Variants in ESRRG observed in about 807,000 individuals in gnomAD.
The protein encoded by ESRRG is estrogen-related receptor gamma.
In ESRRG, 13 loss-of-function variants were observed where a neutral mutation model predicts 44.0. That is an observed-to-expected ratio of 0.30 (90% CI 0.19 to 0.47). The LOEUF (loss-of-function observed/expected upper bound fraction) is 0.47, where lower values mean the gene tolerates loss of function less well. Ranked by LOEUF, ESRRG falls within the 20% of genes least tolerant of loss-of-function variation. The pLI, the probability that ESRRG is intolerant of heterozygous loss-of-function variation, is 1.00. For missense variants in ESRRG, 395 were observed against 580.6 expected, an observed-to-expected ratio of 0.68 and a Z score of 3.29; for synonymous variants, 215 against 214.6, an observed-to-expected ratio of 1.00 and a Z score of -0.02.
chr1:216,797,773 C>T (rs1279879914), intron 2 of ESRRG, among the ~76,000 whole-genome samples: 1 of 152,082 alleles, frequency 6.6e-6, no homozygotes, highest in Non-Finnish European at 1.5e-5. Context: ...ACTGTTGATG[C>T]TGACCTTGAT....
chr1:216,824,282 A>G (rs1364428954), intron 2 of ESRRG, among the ~76,000 whole-genome samples: 2 of 152,080 alleles, frequency 1.3e-5, no homozygotes, highest in East Asian at 3.9e-4. Context: ...CCCCATCTCT[A>G]CTAAAATACA....
At chr1:216,806,843 A>C (rs540970519) in intron 2 of ESRRG, among the ~76,000 whole-genome samples, 30 of 152,130 alleles carry the variant, frequency 2.0e-4, no homozygotes, top group Non-Finnish European at 1.0e-4. Flanking sequence ...TTCAATCTTG[A>C]AATTTGGAGA....
chr1:216,687,061 G>C (rs1264832979), intron 1 of ESRRG, among the ~76,000 whole-genome samples: 1 of 149,462 alleles, frequency 6.7e-6, no homozygotes, highest in Non-Finnish European at 1.5e-5. Context: ...GTGTGTGTGT[G>C]TGTGTGAAGT....
At chr1:216,926,773 G>C (rs895948194) in intron 2 of ESRRG, among the ~76,000 whole-genome samples, 4 of 152,310 alleles carry the variant, frequency 2.6e-5, no homozygotes, top group African/African-American at 9.6e-5. Context: ...GAAGGTAGCA[G>C]TGTAGGTGAC....
At chr1:216,533,685 T>A (rs907065744) in intron 5 of ESRRG, among the ~76,000 whole-genome samples, 25 of 152,150 alleles carry the variant, frequency 1.6e-4, no homozygotes, top group African/African-American at 5.8e-4. Flanking sequence ...TACTAACGCA[T>A]GTTCCCTAAC....
chr1:217,058,541 C>T (rs553925275), intron 1 of ESRRG, among the ~76,000 whole-genome samples: 5 of 152,152 alleles, frequency 3.3e-5, no homozygotes, highest in African/African-American at 2.4e-5. Flanking sequence ...GAGTATCTGA[C>T]GTCTCTATGC....
At position 216,779,872 on chromosome 1, in the gene ESRRG, T is replaced by A. The variant is rs1576475904; in HGVS notation, c.-13-102381A>T. Among the ~76,000 whole-genome samples, 5 of 151,782 alleles carry A rather than the reference T, an allele frequency of 3.3e-5. No individual in the cohort carries two copies. In the South Asian group the frequency reaches 1.0e-3, roughly 31 times the overall value. On this transcript the variant is annotated intron_variant, in intron 2 of 7. Transcript: ENST00000359162. Reference sequence around the variant, plus strand: ...ATCTCTCTGACACTCAGTACTTTCATCTGTTCAAAGGGCATCATAATGCAC... The same window carrying A: ...ATCTCTCTGACACTCAGTACTTTCAACTGTTCAAAGGGCATCATAATGCAC...
chr1:216,532,536 T>C (rs766480885), intron 5 of ESRRG, among the ~76,000 whole-genome samples: 8 of 152,232 alleles, frequency 5.3e-5, no homozygotes, highest in Non-Finnish European at 1.0e-4. Context: ...GGTAGTGGAA[T>C]GACATTGCGG....
rs754138540 is a variant in ESRRG at position 216,651,106 on chromosome 1, A to G, written c.473-17T>C. On this transcript the variant is annotated splice_polypyrimidine_tract_variant and intron_variant, in intron 2 of 6. Transcript: ENST00000408911. The stretch of plus-strand genomic sequence containing the variant: ...CTATATTGCCTAAAACACAAGTTTG[A>G]AGAAAAGTTGTCATATTTACAAGAT... 2.7e-6 allele frequency: 4 copies of G among 1,474,716 alleles called. No homozygotes were observed. The highest frequency in any genetic ancestry group is 2.3e-5 in the East Asian group (1 of 44,188). The allele number at this position is 1,474,716 out of a possible 1,614,324, so 91.4% of individuals were successfully genotyped here.
chr1:217,108,839 G>A (rs2092629452), intron 1 of ESRRG, among the ~76,000 whole-genome samples: 1 of 152,020 alleles, frequency 6.6e-6, no homozygotes, highest in African/African-American at 2.4e-5. Flanking sequence ...CCCAGTATCA[G>A]GCATTTCTTT....
At chr1:216,517,490 G>T (rs999384137) in intron 6 of ESRRG, among the ~76,000 whole-genome samples, 3 of 152,032 alleles carry the variant, frequency 2.0e-5, no homozygotes, top group Non-Finnish European at 4.4e-5. Context: ...AGCATTCATG[G>T]TTAGTTAATA....
chr1:216,764,953 C>T (rs140783986), intron 2 of ESRRG, among the ~76,000 whole-genome samples: 15 of 151,978 alleles, frequency 9.9e-5, no homozygotes, highest in Non-Finnish European at 1.9e-4. Flanking sequence ...GGAACAGCCG[C>T]CCTTCAGGGA....
At chr1:217,135,552 G>C (rs2093037804) in intron 1 of ESRRG, among the ~76,000 whole-genome samples, 1 of 151,240 alleles carries the variant, frequency 6.6e-6, no homozygotes, top group Admixed American at 6.6e-5. Context: ...GGCGGTGTTG[G>C]CGGCGGCGGC....
rs567714289 is a variant in ESRRG at position 216,683,612 on chromosome 1, G to A, written c.57-6121C>T. ...CTATAAAGAAAAATCAGAGCTGAAA[G>A]CTCTCCCAACTCTGTAAAAGGCTCT... On this transcript the variant is annotated intron_variant, in intron 1 of 6. Transcript: ENST00000408911. Among the ~76,000 whole-genome samples, 5 of 152,266 alleles carry A rather than the reference G, an allele frequency of 3.3e-5. No individual in the cohort carries two copies. In the East Asian group the frequency reaches 9.7e-4, roughly 29 times the overall value.
intron 1 of ESRRG, among the ~76,000 whole-genome samples, chr1:216,679,640 T>C (rs1175825266): frequency 6.6e-6 from 1 of 151,424 alleles, no homozygotes; most frequent in Non-Finnish European, 1.5e-5. Context: ...TTTCTTTTTT[T>C]TTTTTTTATC....
At chr1:216,510,508 A>G (rs1047127323) in intron 6 of ESRRG, among the ~76,000 whole-genome samples, 1 of 151,354 alleles carries the variant, frequency 6.6e-6, no homozygotes, top group African/African-American at 2.5e-5. Flanking sequence ...TGCAAATTGA[A>G]TAAGACAGAG....
chr1:216,668,873 T>G (rs771458196), intron 2 of ESRRG, among the ~76,000 whole-genome samples: 5 of 152,130 alleles, frequency 3.3e-5, no homozygotes, highest in Non-Finnish European at 7.4e-5. Flanking sequence ...CTAAAAAAAG[T>G]CATTATGATA....
At chr1:216,647,799 C>T (rs2067968347) in intron 3 of ESRRG, among the ~76,000 whole-genome samples, 1 of 152,170 alleles carries the variant, frequency 6.6e-6, no homozygotes, top group Non-Finnish European at 1.5e-5. Flanking sequence ...TCATTTCCTT[C>T]AGGCAACACT....
At chr1:216,710,891 A>C (rs574373969) in intron 1 of ESRRG, among the ~76,000 whole-genome samples, 1 of 152,308 alleles carries the variant, frequency 6.6e-6, no homozygotes, top group South Asian at 2.1e-4. Context: ...GGGGAAATGC[A>C]CTACTAAGGG....
Sources: allele counts gnomAD v4.1 joint callset (sites outside exome capture counted in the v4.1 genomes callset), GRCh38; gene constraint gnomAD v4.1.1; transcripts MANE v1.5; gene names NCBI Gene and HGNC (gene_info 2026-07-23, HGNC 2026-07-21).